Variants in KCNT2 observed in about 807,000 individuals in gnomAD.
The protein encoded by KCNT2 is potassium sodium-activated channel subfamily T member 2, also known as potassium channel subfamily T member 2.
A neutral mutation model predicts 153.8 loss-of-function variants in KCNT2; 67 were observed. The observed-to-expected ratio is 0.44, with a 90% CI of 0.36 to 0.53. The LOEUF is 0.53. Among genes scored for constraint, KCNT2 ranks in the 20% least tolerant of loss-of-function variants. KCNT2 has a pLI of 0.00. For missense variants in KCNT2, 975 were observed against 1,354.8 expected (o/e 0.72, Z 4.40); for synonymous variants, 500 against 458.8 (o/e 1.09, Z -1.15).
At chr1:196,449,661 A>G (rs1307443352) in intron 8 of KCNT2, among the ~76,000 whole-genome samples, 1 of 151,598 alleles carries the variant, frequency 6.6e-6, no homozygotes, top group Non-Finnish European at 1.5e-5. Context: ...TTCATCATAT[A>G]TGATGAAATA....
At chr1:196,243,993 T>C (rs933515647) in intron 26 of KCNT2, among the ~76,000 whole-genome samples, 1 of 151,922 alleles carries the variant, frequency 6.6e-6, no homozygotes, top group African/African-American at 2.4e-5. Context: ...GCAACTTGGA[T>C]ACCAGCTCAG....
intron 21 of KCNT2, among the ~76,000 whole-genome samples, chr1:196,308,246 C>T (rs1372859835): frequency 6.6e-6 from 1 of 151,930 alleles, no homozygotes; most frequent in African/African-American, 2.4e-5. Context: ...AAGATTAACT[C>T]ATGTAATCTT....
In KCNT2 at chr1:196,398,468, TA is replaced by T; in HGVS notation, c.1294+94del. ...ATTTTCAGTTCTTTAGAATCTTGAA[TA>T]CTTTAAGTTGCCACTTAGTTCAGAG... On this transcript the variant is annotated intron_variant, in intron 13 of 27. Coordinates refer to ENST00000294725, the MANE Select transcript of KCNT2 (RefSeq NM_198503.5). The T allele has an allele frequency of 5.1e-6, 3 of 589,232 alleles. 1 individual carries two copies. The South Asian group carries it at 7.4e-5, about 15-fold the overall frequency. 36.5% of individuals were successfully genotyped at this position (589,232 alleles called of 1,614,324 possible).
intron 1 of KCNT2, among the ~76,000 whole-genome samples, chr1:196,597,213 A>G (rs889674212): frequency 6.6e-6 from 1 of 152,124 alleles, no homozygotes; most frequent in Non-Finnish European, 1.5e-5. Flanking sequence ...TTCTCAACAA[A>G]GAATGTAACT....
At chr1:196,240,206 T>A (rs143032668) in intron 26 of KCNT2, among the ~76,000 whole-genome samples, 117 of 152,138 alleles carry the variant, frequency 7.7e-4, no homozygotes, top group Admixed American at 2.7e-3. Flanking sequence ...AGGCTCTGAA[T>A]CCAGACTGCT....
intron 1 of KCNT2, among the ~76,000 whole-genome samples, chr1:196,562,121 A>T (rs1659491860): frequency 6.6e-6 from 1 of 152,010 alleles, no homozygotes; most frequent in Non-Finnish European, 1.5e-5. Context: ...AGACCTGGAA[A>T]GGGAATGGAA....
intron 26 of KCNT2, among the ~76,000 whole-genome samples, chr1:196,251,037 A>G (rs1655919553): frequency 6.6e-6 from 1 of 152,144 alleles, no homozygotes; most frequent in South Asian, 2.1e-4. Flanking sequence ...GTAAATTAGT[A>G]CAACCACTAT....
In KCNT2 at chr1:196,392,599, T is replaced by C. The variant is rs1252355473; in HGVS notation, c.1294+5964A>G. Among the ~76,000 whole-genome samples, 5 of 151,560 alleles carry C rather than the reference T, an allele frequency of 3.3e-5. No homozygotes were observed. The East Asian group carries it at 5.8e-4, about 18-fold the overall frequency. On this transcript the variant is annotated intron_variant, in intron 13 of 27. Transcript: ENST00000294725. ...ATATGTTATTTAGAAACAGCTAAGA[T>C]GATTTCCAATATTTATATTGCTTGG...
chr1:196,399,291 A>G (rs1671219589), intron 12 of KCNT2, among the ~76,000 whole-genome samples: 1 of 151,756 alleles, frequency 6.6e-6, no homozygotes, highest in Non-Finnish European at 1.5e-5. Flanking sequence ...TGAAAAAATC[A>G]AGGAAGATTA....
intron 8 of KCNT2, among the ~76,000 whole-genome samples, chr1:196,457,097 A>C (rs1340873482): frequency 1.3e-5 from 2 of 151,942 alleles, no homozygotes; most frequent in Non-Finnish European, 2.9e-5. Flanking sequence ...TTTATTCAAC[A>C]CACATTATTA....
chr1:196,494,509 T>A (rs1390234863), intron 1 of KCNT2, among the ~76,000 whole-genome samples: 1 of 151,806 alleles, frequency 6.6e-6, no homozygotes, highest in South Asian at 2.1e-4. Flanking sequence ...ACGCCATTCT[T>A]CTCCTCAGCC....
intron 1 of KCNT2, among the ~76,000 whole-genome samples, chr1:196,511,116 AACACACAC>A (rs35177032): frequency 0.37 from 54,699 of 146,420 alleles, 10,303 homozygotes; most frequent in East Asian, 0.54. Flanking sequence ...AAACACACAC[AACACACAC>A]ACACACACAC....
intron 25 of KCNT2, among the ~76,000 whole-genome samples, chr1:196,274,043 C>T (rs1658324357): frequency 1.3e-5 from 2 of 151,460 alleles, no homozygotes; most frequent in Non-Finnish European, 3.0e-5. Flanking sequence ...AATATTTGTA[C>T]TATTTTTTAA....
At chr1:196,446,256 A>G (rs1410490507) in intron 8 of KCNT2, among the ~76,000 whole-genome samples, 1 of 151,496 alleles carries the variant, frequency 6.6e-6, no homozygotes, top group East Asian at 1.9e-4. Flanking sequence ...ATGTACAATA[A>G]ATATACTATT....
chr1:196,494,533 G>A (rs1263964825), intron 1 of KCNT2, among the ~76,000 whole-genome samples: 1 of 151,916 alleles, frequency 6.6e-6, no homozygotes. Context: ...CCAGTAGCCG[G>A]GACTACAGGC....
intron 12 of KCNT2, among the ~76,000 whole-genome samples, chr1:196,421,218 C>T (rs1030747482): frequency 3.9e-5 from 6 of 151,916 alleles, no homozygotes; most frequent in East Asian, 1.9e-4. Context: ...AATCTTCTTA[C>T]TCATTTCTTC....
chr1:196,291,008 G>A (rs533230138), intron 22 of KCNT2, among the ~76,000 whole-genome samples: 1 of 152,190 alleles, frequency 6.6e-6, no homozygotes, highest in East Asian at 1.9e-4. Flanking sequence ...CTCCCAAACT[G>A]CTTTCCAGGA....
rs535969453 is a variant in KCNT2 at position 196,371,147 on chromosome 1, GC to G, written c.1403+1992del. ...GTCTGTAATTCCAGCACTTTGGAAG[GC>G]CAAGTCAGATGGATCACTTGAGCCC... On this transcript the variant is annotated intron_variant, in intron 14 of 27. Coordinates refer to ENST00000294725, the MANE Select transcript of KCNT2 (RefSeq NM_198503.5). Among the ~76,000 whole-genome samples the G allele has an allele frequency of 2.6e-4, 37 of 142,762 alleles. No homozygotes were observed. In the East Asian group the frequency reaches 7.6e-3, roughly 29 times the overall value. The allele number at this position is 142,762 out of a possible 152,430, so 93.7% of individuals were successfully genotyped here.
At chr1:196,245,591 T>G (rs1011613083) in intron 26 of KCNT2, among the ~76,000 whole-genome samples, 1 of 152,170 alleles carries the variant, frequency 6.6e-6, no homozygotes, top group Non-Finnish European at 1.5e-5. Context: ...ACATAGCTGT[T>G]TTGAAGAAAC....
Sources: allele counts gnomAD v4.1 joint callset (sites outside exome capture counted in the v4.1 genomes callset), GRCh38; gene constraint gnomAD v4.1.1; transcripts MANE v1.5; gene names NCBI Gene and HGNC (gene_info 2026-07-23, HGNC 2026-07-21).